The following XKR4 variants were observed in gnomAD, a reference collection of about 807,000 sequenced individuals.
XKR4 encodes the protein XK related 4, also known as XK-related protein 4.
In XKR4, 12 loss-of-function variants were observed where a neutral mutation model predicts 53.9. That is an observed-to-expected ratio of 0.22 (90% CI 0.14 to 0.36). XKR4 has a LOEUF of 0.36. Ranked by LOEUF, XKR4 falls within the 10% of genes least tolerant of loss-of-function variation. The pLI is 1.00. For missense variants in XKR4, 799 were observed against 859.5 expected (o/e 0.93, Z 0.88); for synonymous variants, 354 against 362.4 (o/e 0.98, Z 0.26).
intron 1 of XKR4, among the ~76,000 whole-genome samples, chr8:55,345,638 A>G (rs1803625290): frequency 1.3e-5 from 2 of 152,214 alleles, no homozygotes; most frequent in Non-Finnish European, 1.5e-5. Context: ...GATTTCTTGG[A>G]AGGCCCTGTG....
Position 55,474,976 on chromosome 8 carries a change from C to T in XKR4, c.1007-48305C>T, listed in dbSNP as rs139176923. On this transcript the variant is annotated intron_variant, in intron 2 of 2. Coordinates refer to ENST00000327381, the MANE Select transcript of XKR4 (RefSeq NM_052898.2). The stretch of plus-strand genomic sequence containing the variant: ...AGAATATTAAAGAAACAAAGTCATT[C>T]GCTCTGTCTTCAAGGAGTTTAAATC... Among the ~76,000 whole-genome samples, 1,099 of 152,196 alleles carry T rather than the reference C, an allele frequency of 7.2e-3. 23 individuals carry two copies. The highest frequency in any genetic ancestry group is 0.025 in the African/African-American group (1,030 of 41,476).
intron 1 of XKR4, among the ~76,000 whole-genome samples, chr8:55,301,978 G>A (rs1326948687): frequency 2.0e-5 from 3 of 152,118 alleles, no homozygotes; most frequent in Non-Finnish European, 4.4e-5. Flanking sequence ...TTCTTTTGCT[G>A]TGCAGAAGAT....
chr8:55,475,148 G>A (rs985351043), intron 2 of XKR4, among the ~76,000 whole-genome samples: 1 of 152,062 alleles, frequency 6.6e-6, no homozygotes, highest in African/African-American at 2.4e-5. Context: ...GGAAATGACT[G>A]CTGATAAAAT....
chr8:55,121,832 T>TCA (rs1816395167), intron 1 of XKR4, among the ~76,000 whole-genome samples: 1 of 51,794 alleles, frequency 1.9e-5, no homozygotes, highest in African/African-American at 7.2e-5. Flanking sequence ...AAATACAACA[T>TCA]TACACACACA....
chr8:55,450,404 G>A lies in XKR4; in HGVS notation c.1007-72877G>A, dbSNP rs1222225878. The A allele has an allele frequency of 8.6e-6, 5 of 582,976 alleles. No individual in the cohort carries two copies. In the African/African-American group the frequency reaches 9.6e-5, roughly 11 times the overall value. The allele number at this position is 582,976 out of a possible 1,614,324, so 36.1% of individuals were successfully genotyped here. ...TCCTCGGGTGCATTCATGTAGTTGT[G>A]GAACATGGCTGTCCTCTTGCTCATC... On this transcript the variant is annotated intron_variant, in intron 2 of 2. Coordinates refer to ENST00000327381, the MANE Select transcript of XKR4 (RefSeq NM_052898.2).
Position 55,136,630 on chromosome 8 carries a change from C to T in XKR4, c.806+33336C>T, listed in dbSNP as rs76546166. Among the ~76,000 whole-genome samples the T allele has an allele frequency of 2.8e-3, 432 of 152,280 alleles. 11 individuals carry two copies. The highest frequency in any genetic ancestry group is 0.022 in the Admixed American group (341 of 15,304). ...TGGAAGAGTTAAAACATATAGATTT[C>T]GATCTTTTTTGCTCCCTAATAACAA... On this transcript the variant is annotated intron_variant, in intron 1 of 2. Coordinates refer to ENST00000327381, the MANE Select transcript of XKR4 (RefSeq NM_052898.2).
intron 2 of XKR4, chr8:55,449,962 C>G: frequency 1.2e-6 from 1 of 835,734 alleles, no homozygotes; most frequent in Non-Finnish European, 2.1e-6. Flanking sequence ...CAAGGTGGAG[C>G]CCACGGGTTC....
chr8:55,497,703 C>T (rs112783061), intron 2 of XKR4, among the ~76,000 whole-genome samples: 1,911 of 152,322 alleles, frequency 0.013, 28 homozygotes, highest in South Asian at 0.064. Context: ...TATATTTCTC[C>T]TATTTCGAGC....
chr8:55,107,853 T>A lies in XKR4; in HGVS notation c.806+4559T>A, dbSNP rs569877661. On this transcript the variant is annotated intron_variant, in intron 1 of 2. Transcript: ENST00000327381. ...ATCAAATGGTTATTTTCTGCATATA[T>A]GTGTTTCCTCTCTATACATATAAAT... Among the ~76,000 whole-genome samples, 10 of 152,330 alleles carry A rather than the reference T, an allele frequency of 6.6e-5. No individual in the cohort carries two copies. In the East Asian group the frequency reaches 1.9e-3, roughly 29 times the overall value.
chr8:55,414,570 A>AAT (rs544578523), intron 2 of XKR4, among the ~76,000 whole-genome samples: 177 of 150,236 alleles, frequency 1.2e-3, no homozygotes, highest in African/African-American at 4.1e-3. Context: ...GATTATATAT[A>AAT]ATATATATAT....
chr8:55,449,086 T>TA (rs11371239), intron 2 of XKR4, among the ~76,000 whole-genome samples: 40,898 of 148,476 alleles, frequency 0.28, 6,066 homozygotes, highest in Non-Finnish European at 0.36. Flanking sequence ...CCTCTCAGGT[T>TA]AAAAAAAAAA....
chr8:55,117,480 AAT>A (rs2129351616), intron 1 of XKR4, among the ~76,000 whole-genome samples: 1 of 152,306 alleles, frequency 6.6e-6, no homozygotes, highest in East Asian at 1.9e-4. Flanking sequence ...TGGATTAATA[AAT>A]AGTACTTGAT....
intron 1 of XKR4, among the ~76,000 whole-genome samples, chr8:55,340,393 T>C (rs1803525566): frequency 6.6e-6 from 1 of 152,198 alleles, no homozygotes; most frequent in Non-Finnish European, 1.5e-5. Context: ...ACATTTAGAA[T>C]GATGAGTTGG....
At chr8:55,465,576 G>A (rs1034740537) in intron 2 of XKR4, among the ~76,000 whole-genome samples, 3 of 151,084 alleles carry the variant, frequency 2.0e-5, no homozygotes, top group South Asian at 2.1e-4. Flanking sequence ...ATAGGCATGG[G>A]CAAGGACTTC....
At chr8:55,185,338 T>C (rs61681846) in intron 1 of XKR4, among the ~76,000 whole-genome samples, 2 of 152,248 alleles carry the variant, frequency 1.3e-5, no homozygotes, top group South Asian at 4.1e-4. Flanking sequence ...TAATTCCTGT[T>C]GAAAGGTCAC....
intron 1 of XKR4, among the ~76,000 whole-genome samples, chr8:55,334,634 A>G (rs1246270170): frequency 6.6e-6 from 1 of 152,054 alleles, no homozygotes; most frequent in African/African-American, 2.4e-5. Context: ...ATAAAGACCA[A>G]CCTCATATAC....
At chr8:55,137,407 T>G (rs1390625114) in intron 1 of XKR4, among the ~76,000 whole-genome samples, 1 of 152,208 alleles carries the variant, frequency 6.6e-6, no homozygotes, top group Non-Finnish European at 1.5e-5. Context: ...AGGCATTTAG[T>G]TAAATCCAAG....
intron 2 of XKR4, among the ~76,000 whole-genome samples, chr8:55,404,450 T>C (rs1384591458): frequency 6.6e-6 from 1 of 152,218 alleles, no homozygotes; most frequent in African/African-American, 2.4e-5. Context: ...CACCTGTATG[T>C]TGAACTCCAC....
intron 1 of XKR4, among the ~76,000 whole-genome samples, chr8:55,309,074 T>C: frequency 6.6e-6 from 1 of 152,146 alleles, no homozygotes; most frequent in Non-Finnish European, 1.5e-5. Flanking sequence ...AGGGAATGGA[T>C]TCCTCCCTAG....
Sources: allele counts gnomAD v4.1 joint callset (sites outside exome capture counted in the v4.1 genomes callset), GRCh38; gene constraint gnomAD v4.1.1; transcripts MANE v1.5; gene names NCBI Gene and HGNC (gene_info 2026-07-23, HGNC 2026-07-21).